The following SMAD9 variants were observed in gnomAD, a reference collection of about 807,000 sequenced individuals.
SMAD9 encodes MAD homolog 9.
SMAD9 carries 36 observed loss-of-function variants against 46.1 expected under a neutral mutation model. That is an observed-to-expected ratio of 0.78 (90% CI 0.60 to 1.03). The LOEUF is 1.03. SMAD9 is among the 50% of genes least tolerant of loss of function. The pLI is 0.00. For missense variants in SMAD9, 572 were observed against 599.8 expected (o/e 0.95, Z 0.48); for synonymous variants, 245 against 237.1 (o/e 1.03, Z -0.31).
chr13:36,910,809 C>G (rs2058655317), intron 1 of SMAD9, among the ~76,000 whole-genome samples: 1 of 152,188 alleles, frequency 6.6e-6, no homozygotes, highest in African/African-American at 2.4e-5. Flanking sequence ...TAGTCACTCA[C>G]AACAGCACTT....
chr13:36,899,077 A>G (rs937615275), intron 1 of SMAD9, among the ~76,000 whole-genome samples: 1 of 152,238 alleles, frequency 6.6e-6, no homozygotes, highest in Middle Eastern at 3.2e-3. Flanking sequence ...GAATTTAGCA[A>G]TTGCAGGATA....
At chr13:36,893,511 A>G (rs2058505310) in intron 1 of SMAD9, among the ~76,000 whole-genome samples, 1 of 150,368 alleles carries the variant, frequency 6.7e-6, no homozygotes, top group African/African-American at 2.4e-5. Context: ...TTACTCAAAA[A>G]AGCAAAAATC....
chr13:36,878,175 TACACAC>T (rs58444769), intron 2 of SMAD9, among the ~76,000 whole-genome samples: 15 of 150,210 alleles, frequency 1.0e-4, no homozygotes, highest in Non-Finnish European at 7.4e-5. Context: ...ATAATATACA[TACACAC>T]ACACACACAC....
intron 3 of SMAD9, among the ~76,000 whole-genome samples, chr13:36,868,596 G>A (rs955131516): frequency 3.3e-5 from 5 of 152,022 alleles, no homozygotes; most frequent in Non-Finnish European, 1.5e-5. Flanking sequence ...AAATTAGCTG[G>A]GCATGGTGGT....
intron 1 of SMAD9, among the ~76,000 whole-genome samples, chr13:36,882,495 C>T (rs1314671376): frequency 6.6e-6 from 1 of 152,070 alleles, no homozygotes. Context: ...CTCTGCAGAC[C>T]GATCTCACTG....
intron 1 of SMAD9, among the ~76,000 whole-genome samples, chr13:36,911,471 G>A (rs186526209): frequency 6.6e-6 from 1 of 152,110 alleles, no homozygotes; most frequent in East Asian, 1.9e-4. Flanking sequence ...ATTATATAGA[G>A]CATAATCTGT....
intron 1 of SMAD9, among the ~76,000 whole-genome samples, chr13:36,918,917 C>G (rs9315454): frequency 2.0e-5 from 3 of 151,996 alleles, no homozygotes; most frequent in Non-Finnish European, 4.4e-5. Context: ...AAATGCCTCA[C>G]GACTTAACGG....
chr13:36,872,978 G>A lies in SMAD9; in HGVS notation c.413-63C>T. 2.6e-6 allele frequency: 4 copies of A among 1,565,096 alleles called. No homozygotes were observed. The South Asian group carries it at 4.5e-5, about 17-fold the overall frequency. Reference sequence around the variant, plus strand: ...ATTGCTCATCAGTACACAACAGAGTGGATACTTGCTGTTCTTATCTATTTT... The same window carrying A: ...ATTGCTCATCAGTACACAACAGAGTAGATACTTGCTGTTCTTATCTATTTT... On this transcript the variant is annotated intron_variant, in intron 2 of 6. Coordinates refer to ENST00000379826, the MANE Select transcript of SMAD9 (RefSeq NM_001127217.3).
chr13:36,877,740 C>T (rs772832720), intron 2 of SMAD9, among the ~76,000 whole-genome samples: 1 of 152,086 alleles, frequency 6.6e-6, no homozygotes, highest in East Asian at 1.9e-4. Flanking sequence ...CCTTCTAATA[C>T]CTTCTCAGCC....
intron 1 of SMAD9, among the ~76,000 whole-genome samples, chr13:36,899,541 A>G (rs759100719): frequency 7.9e-5 from 12 of 152,316 alleles, no homozygotes; most frequent in Admixed American, 1.3e-4. Flanking sequence ...GAAAATGACA[A>G]ATTCAGGAGG....
chr13:36,892,307 G>C (rs2058494417), intron 1 of SMAD9, among the ~76,000 whole-genome samples: 1 of 152,158 alleles, frequency 6.6e-6, no homozygotes, highest in Non-Finnish European at 1.5e-5. Flanking sequence ...TGAACAAGTA[G>C]ATTTTTATGT....
intron 5 of SMAD9, among the ~76,000 whole-genome samples, chr13:36,854,447 A>G (rs2138294572): frequency 6.6e-6 from 1 of 151,948 alleles, no homozygotes; most frequent in African/African-American, 2.4e-5. Context: ...AGCTCACTGC[A>G]ACCTCTGCCT....
intron 1 of SMAD9, among the ~76,000 whole-genome samples, chr13:36,892,307 G>A (rs2058494417): frequency 6.6e-6 from 1 of 152,158 alleles, no homozygotes; most frequent in Non-Finnish European, 1.5e-5. Context: ...TGAACAAGTA[G>A]ATTTTTATGT....
At chr13:36,855,446 G>C (rs1023147418) in intron 5 of SMAD9, among the ~76,000 whole-genome samples, 13 of 151,930 alleles carry the variant, frequency 8.6e-5, no homozygotes, top group African/African-American at 3.1e-4. Context: ...TTAAATATCA[G>C]AACAATTTTA....
chr13:36,901,357 T>C (rs187315167), intron 1 of SMAD9, among the ~76,000 whole-genome samples: 61 of 150,772 alleles, frequency 4.0e-4, no homozygotes, highest in African/African-American at 1.4e-3. Flanking sequence ...ACTGTTTCTG[T>C]TTTTATTATA....
intron 1 of SMAD9, among the ~76,000 whole-genome samples, chr13:36,906,727 CTT>C (rs1209207230): frequency 6.6e-6 from 1 of 152,140 alleles, no homozygotes; most frequent in Non-Finnish European, 1.5e-5. Flanking sequence ...TAGGATGGCT[CTT>C]GTTAACAAAA....
intron 2 of SMAD9, among the ~76,000 whole-genome samples, chr13:36,874,267 C>A (rs770193468): frequency 2.0e-5 from 3 of 152,214 alleles, no homozygotes; most frequent in Non-Finnish European, 2.9e-5. Context: ...AAGAAAAGAT[C>A]CAGACCTAGT....
At chr13:36,866,668 G>A (rs2058237724) in intron 4 of SMAD9, among the ~76,000 whole-genome samples, 1 of 152,056 alleles carries the variant, frequency 6.6e-6, no homozygotes, top group Non-Finnish European at 1.5e-5. Flanking sequence ...TATTTCAAAT[G>A]GTACACTTCT....
intron 2 of SMAD9, among the ~76,000 whole-genome samples, chr13:36,876,208 G>A (rs1284596254): frequency 6.6e-6 from 1 of 151,928 alleles, no homozygotes; most frequent in Non-Finnish European, 1.5e-5. Context: ...GGAGTTACAG[G>A]GCACATGGGC....
Sources: allele counts gnomAD v4.1 joint callset (sites outside exome capture counted in the v4.1 genomes callset), GRCh38; gene constraint gnomAD v4.1.1; transcripts MANE v1.5; gene names NCBI Gene and HGNC (gene_info 2026-07-23, HGNC 2026-07-21).